The following STX8 variants were observed in gnomAD, a reference collection of about 807,000 sequenced individuals.
The protein encoded by STX8 is syntaxin 8.
Under a neutral mutation model 37.5 loss-of-function variants are expected in STX8, and 23 were observed. That is an observed-to-expected ratio of 0.61 (90% CI 0.44 to 0.87). STX8 has a LOEUF of 0.87. Among genes scored for constraint, STX8 ranks in the 40% least tolerant of loss-of-function variants. The probability of loss-of-function intolerance (pLI) is 0.00; values close to 1 mark genes in which losing one functional copy is unlikely to be tolerated. For synonymous variants in STX8, 115 were observed against 99.1 expected (o/e 1.16, Z -0.95); for missense variants, 313 against 284.7 (o/e 1.10, Z -0.71).
chr17:9,354,318 C>CTTTTTTT (rs35460018), intron 7 of STX8, among the ~76,000 whole-genome samples: 5 of 119,750 alleles, frequency 4.2e-5, no homozygotes, highest in African/African-American at 9.7e-5. Context: ...AATTGTCTCA[C>CTTTTTTT]TTTTTTTTTT....
chr17:9,355,657 G>A (rs755856382), intron 7 of STX8, among the ~76,000 whole-genome samples: 2 of 151,802 alleles, frequency 1.3e-5, no homozygotes, highest in Non-Finnish European at 2.9e-5. Context: ...TTACAGGCGC[G>A]CTCCACCACT....
chr17:9,304,648 A>G (rs1235293806), intron 7 of STX8, among the ~76,000 whole-genome samples: 3 of 152,118 alleles, frequency 2.0e-5, no homozygotes, highest in East Asian at 3.8e-4. Context: ...ATGTGGTTCA[A>G]CTTAATACAA....
intron 7 of STX8, among the ~76,000 whole-genome samples, chr17:9,257,340 G>A (rs1906837303): frequency 6.6e-6 from 1 of 152,206 alleles, no homozygotes; most frequent in African/African-American, 2.4e-5. Context: ...GTCATCTGGA[G>A]TCATGGTCCA....
chr17:9,255,996 A>C (rs1906782617), intron 7 of STX8, among the ~76,000 whole-genome samples: 1 of 152,230 alleles, frequency 6.6e-6, no homozygotes, highest in Non-Finnish European at 1.5e-5. Flanking sequence ...ATGAGTAAGC[A>C]GGGATCTTTT....
chr17:9,395,170 TTA>T (rs560190234), intron 6 of STX8, among the ~76,000 whole-genome samples: 77 of 152,304 alleles, frequency 5.1e-4, no homozygotes, highest in African/African-American at 1.7e-3. Context: ...TATATATTCA[TTA>T]TGTTTATAGC....
At chr17:9,438,258 A>G (rs977763492) in intron 6 of STX8, among the ~76,000 whole-genome samples, 47 of 150,360 alleles carry the variant, frequency 3.1e-4, no homozygotes, top group Non-Finnish European at 5.3e-4. Flanking sequence ...AAAAAAAAAA[A>G]AGGCCATTTC....
At chr17:9,322,912 AC>A (rs2142206622) in intron 7 of STX8, among the ~76,000 whole-genome samples, 2 of 151,486 alleles carry the variant, frequency 1.3e-5, no homozygotes, top group South Asian at 2.1e-4. Flanking sequence ...AAAAAAAAAA[AC>A]ACAAACACAC....
At chr17:9,488,249 C>T (rs1906690155) in intron 6 of STX8, among the ~76,000 whole-genome samples, 1 of 151,638 alleles carries the variant, frequency 6.6e-6, no homozygotes, top group African/African-American at 2.4e-5. Context: ...TCGCTTGAAC[C>T]CGGGAGATGG....
chr17:9,353,636 G>A (rs1910782150), intron 7 of STX8, among the ~76,000 whole-genome samples: 1 of 152,102 alleles, frequency 6.6e-6, no homozygotes, highest in Non-Finnish European at 1.5e-5. Context: ...AGCAGATCCA[G>A]AATTACTCTA....
intron 4 of STX8, among the ~76,000 whole-genome samples, chr17:9,512,806 T>C (rs938528468): frequency 6.6e-6 from 1 of 152,084 alleles, no homozygotes; most frequent in Admixed American, 6.6e-5. Context: ...ATAAATGGTG[T>C]TGGGAAACTG....
chr17:9,514,880 G>A (rs1905121512), intron 4 of STX8, among the ~76,000 whole-genome samples: 1 of 152,062 alleles, frequency 6.6e-6, no homozygotes, highest in Admixed American at 6.6e-5. Context: ...ATCACCCTTC[G>A]CTGTACACAC....
intron 6 of STX8, among the ~76,000 whole-genome samples, chr17:9,382,331 A>G (rs990293582): frequency 2.0e-5 from 3 of 152,254 alleles, no homozygotes; most frequent in South Asian, 2.1e-4. Flanking sequence ...CAGAAATACA[A>G]TATCTATCTG....
rs561959115 is a variant in STX8 at position 9,336,067 on chromosome 17, T to G, written c.643+42485A>C. Reference sequence around the variant, plus strand: ...AGAGATTATATTCAAGGATGCTCTATTACTTTGAATAGGCGAAACATTCCA... The same window carrying G: ...AGAGATTATATTCAAGGATGCTCTAGTACTTTGAATAGGCGAAACATTCCA... On this transcript the variant is annotated intron_variant, in intron 7 of 7. Coordinates refer to ENST00000306357, the MANE Select transcript of STX8 (RefSeq NM_004853.3). Among the ~76,000 whole-genome samples the G allele has an allele frequency of 1.8e-4, 28 of 152,316 alleles. 1 individual carries two copies. Among genetic ancestry groups the G allele is most frequent in the African/African-American group, 6.5e-4 (27 of 41,574 alleles).
At chr17:9,282,916 T>TC (rs397749246) in intron 7 of STX8, among the ~76,000 whole-genome samples, 3 of 151,652 alleles carry the variant, frequency 2.0e-5, no homozygotes. Flanking sequence ...TTTTTTTTTT[T>TC]CTTTCTTTAC....
intron 6 of STX8, among the ~76,000 whole-genome samples, chr17:9,476,534 C>A (rs1906111290): frequency 6.6e-6 from 1 of 151,630 alleles, no homozygotes; most frequent in African/African-American, 2.4e-5. Context: ...CTCACTGCAA[C>A]CTCCACCTCC....
In STX8 at chr17:9,430,040, G is replaced by T. The variant is rs184824754; in HGVS notation, c.542-51387C>A. Among the ~76,000 whole-genome samples the T allele has an allele frequency of 7.1e-3, 84 of 11,870 alleles. 9 individuals are homozygous for T. Among genetic ancestry groups the T allele is most frequent in the African/African-American group, 0.014 (28 of 1,990 alleles). The allele number at this position is 11,870 out of a possible 152,430, so 7.8% of individuals were successfully genotyped here. On this transcript the variant is annotated intron_variant, in intron 6 of 7. Coordinates refer to ENST00000306357, the MANE Select transcript of STX8 (RefSeq NM_004853.3). ...TATATTATATATAATATATTCTATA[G>T]AATATATATATTCTATATAATATAT...
At chr17:9,538,263 G>A (rs1343371217) in intron 4 of STX8, among the ~76,000 whole-genome samples, 3 of 152,186 alleles carry the variant, frequency 2.0e-5, no homozygotes, top group African/African-American at 4.8e-5. Context: ...AAAGAGAGAA[G>A]GGGGTTTATG....
chr17:9,389,555 G>A (rs1483306492), intron 6 of STX8, among the ~76,000 whole-genome samples: 1 of 152,124 alleles, frequency 6.6e-6, no homozygotes, highest in Admixed American at 6.6e-5. Flanking sequence ...ATTATATGAT[G>A]TCAAAATACC....
chr17:9,270,333 C>A (rs537740005), intron 7 of STX8, among the ~76,000 whole-genome samples: 1 of 152,180 alleles, frequency 6.6e-6, no homozygotes, highest in Non-Finnish European at 1.5e-5. Flanking sequence ...CAAGCACCGC[C>A]GTCTCCTGGG....
Sources: gnomAD v4.1 joint callset for allele counts (sites outside exome capture counted in the v4.1 genomes callset) on GRCh38, gnomAD v4.1.1 for gene constraint, MANE v1.5 for transcripts, NCBI Gene and HGNC (gene_info 2026-07-23, HGNC 2026-07-21) for gene names.